Variants in CECR2 observed in about 807,000 individuals in gnomAD.
CECR2 encodes chromatin remodeling regulator CECR2.
Under a neutral mutation model 154.5 loss-of-function variants are expected in CECR2, and 30 were observed. The ratio of observed to expected loss-of-function variants is 0.19; its 90% CI spans 0.15 to 0.26. The LOEUF (loss-of-function observed/expected upper bound fraction) is 0.26, where lower values mean the gene tolerates loss of function less well. Ranked by LOEUF, CECR2 falls within the 10% of genes least tolerant of loss-of-function variation. The pLI is 1.00. For synonymous variants in CECR2, 725 were observed against 683.7 expected, an observed-to-expected ratio of 1.06 and a Z score of -0.94; for missense variants, 1,743 against 1,829.3, an observed-to-expected ratio of 0.95 and a Z score of 0.86.
At chr22:17,431,723 T>C (rs995218902) in intron 1 of CECR2, among the ~76,000 whole-genome samples, 11 of 152,196 alleles carry the variant, frequency 7.2e-5, no homozygotes, top group Non-Finnish European at 7.3e-5. Context: ...TGGTAATTCT[T>C]ATTGATGCGT....
intron 1 of CECR2, among the ~76,000 whole-genome samples, chr22:17,361,161 TCAAA>T (rs937823866): frequency 2.2e-4 from 33 of 151,776 alleles, no homozygotes; most frequent in African/African-American, 7.7e-4. Flanking sequence ...AGACCCTGTC[TCAAA>T]CAAAGCAAAA....
intron 1 of CECR2, among the ~76,000 whole-genome samples, chr22:17,362,474 G>T (rs776160926): frequency 6.6e-6 from 1 of 152,164 alleles, no homozygotes; most frequent in Non-Finnish European, 1.5e-5. Context: ...AGTCCCAACC[G>T]AGATGTCCTG....
At chr22:17,514,760 G>A (rs555835736) in intron 8 of CECR2, among the ~76,000 whole-genome samples, 5 of 152,206 alleles carry the variant, frequency 3.3e-5, no homozygotes, top group East Asian at 1.9e-4. Context: ...TGGGCCAGGC[G>A]CGGTGGCTCA....
At chr22:17,483,219 G>A (rs1431693518) in intron 2 of CECR2, among the ~76,000 whole-genome samples, 2 of 152,086 alleles carry the variant, frequency 1.3e-5, no homozygotes, top group Non-Finnish European at 2.9e-5. Context: ...CAGATCAAAT[G>A]TAAAAAACAA....
At chr22:17,489,792 TTTA>T (rs2055491575) in intron 2 of CECR2, among the ~76,000 whole-genome samples, 1 of 152,130 alleles carries the variant, frequency 6.6e-6, no homozygotes, top group Non-Finnish European at 1.5e-5. Flanking sequence ...AAGGAACTGT[TTTA>T]TATTATTAAT....
chr22:17,403,975 C>T (rs2053935050), intron 1 of CECR2, among the ~76,000 whole-genome samples: 1 of 150,976 alleles, frequency 6.6e-6, no homozygotes, highest in Non-Finnish European at 1.5e-5. Flanking sequence ...ATAAGACCAC[C>T]CTGGCCGGGC....
At chr22:17,447,036 T>TTTTTTTTTTTG (rs2054680468) in intron 1 of CECR2, among the ~76,000 whole-genome samples, 1 of 137,742 alleles carries the variant, frequency 7.3e-6, no homozygotes, top group African/African-American at 3.0e-5. Flanking sequence ...TTACAATCTT[T>TTTTTTTTTTTG]TTTTTTTTTT....
At chr22:17,502,260 G>A (rs2055752440) in intron 5 of CECR2, among the ~76,000 whole-genome samples, 1 of 152,126 alleles carries the variant, frequency 6.6e-6, no homozygotes, top group Admixed American at 6.6e-5. Context: ...CTTGAATAGA[G>A]GCATTCCCCC....
chr22:17,473,042 C>T (rs1451548101), intron 1 of CECR2, among the ~76,000 whole-genome samples: 1 of 152,104 alleles, frequency 6.6e-6, no homozygotes, highest in Non-Finnish European at 1.5e-5. Context: ...CACTGCACGG[C>T]TCGAAGGATT....
At chr22:17,544,273 C>CAG (rs2056575809) in intron 16 of CECR2, among the ~76,000 whole-genome samples, 1 of 151,936 alleles carries the variant, frequency 6.6e-6, no homozygotes, top group South Asian at 2.1e-4. Context: ...CCAAGGCAGG[C>CAG]AGATTACAAG....
At chr22:17,472,555 C>A (rs1213834198) in intron 1 of CECR2, among the ~76,000 whole-genome samples, 2 of 152,270 alleles carry the variant, frequency 1.3e-5, no homozygotes, top group African/African-American at 2.4e-5. Context: ...ACATAAAATA[C>A]AACAAACACG....
Position 17,542,964 on chromosome 22 carries a change from C to T in CECR2, c.2821C>T (p.Pro941Ser), listed in dbSNP as rs577013970. 56 of 1,612,834 alleles carry T rather than the reference C, an allele frequency of 3.5e-5. No individual in the cohort carries two copies. The East Asian group carries it at 6.5e-4, about 19-fold the overall frequency. ...KPALGNPGRA[P>S]ENSEAQEPEN... ...TGCCCTGGGCAACCCTGGGAGGGCA[C>T]CGGAGAACAGTGAAGCACAAGAGCC... Residue 941 changes from proline to serine, a missense_variant, in exon 16 of 19, where the codon CCG becomes TCG. Transcript: ENST00000262608.
rs564711410 is a variant in CECR2 at position 17,486,933 on chromosome 22, T to A, written c.221+9251T>A. On this transcript the variant is annotated intron_variant, in intron 2 of 18. Transcript: ENST00000262608. ...CATTCCGTAGGCTTGGGCTGGGGCCTGGGAACCTGCATGCTGTGCAAGTTC... is the reference window on the plus strand; with the variant it reads ...CATTCCGTAGGCTTGGGCTGGGGCCAGGGAACCTGCATGCTGTGCAAGTTC... Among the ~76,000 whole-genome samples the A allele has an allele frequency of 4.8e-3, 724 of 152,022 alleles. 3 individuals carry two copies. Among genetic ancestry groups the A allele is most frequent in the Non-Finnish European group, 7.2e-3 (487 of 67,950 alleles).
rs539513918 is a variant in CECR2 at position 17,493,850 on chromosome 22, C to T, written c.222-3553C>T. Among the ~76,000 whole-genome samples the T allele has an allele frequency of 2.0e-5, 3 of 152,332 alleles. No homozygotes were observed. The South Asian group carries it at 6.2e-4, about 32-fold the overall frequency. ...GAATAAGAAAGGTCTCGCTCCCTGG[C>T]CCAGCATCTTCTGCACATCCTCCAG... On this transcript the variant is annotated intron_variant, in intron 2 of 18. Coordinates refer to ENST00000262608, the MANE Select transcript of CECR2 (RefSeq NM_001290047.2).
In CECR2 at chr22:17,549,573, G is replaced by A. The variant is rs1308366287; in HGVS notation, c.4277+9G>A. ...ATGTACAGACCATCAGGGTAAGATT[G>A]CATTCAGGCTTTTCCCCCTAAAGAG... On this transcript the variant is annotated intron_variant, in intron 17 of 18. Coordinates refer to ENST00000262608, the MANE Select transcript of CECR2 (RefSeq NM_001290047.2). 3 of 1,551,294 alleles carry A rather than the reference G, an allele frequency of 1.9e-6. No homozygotes were observed. The South Asian group carries it at 3.6e-5, about 18-fold the overall frequency.
Position 17,541,986 on chromosome 22 carries a change from A to T in CECR2, c.2013+19A>T. ...CATGCAGGTAAGCAGCCTACTCTGG[A>T]GGTGCAGGTGCAGGGGGTCCCACAG... On this transcript the variant is annotated intron_variant, in intron 15 of 18. Transcript: ENST00000262608. The T allele has an allele frequency of 1.2e-6, 2 of 1,605,798 alleles. No homozygotes were observed. The highest frequency in any genetic ancestry group is 1.7e-6 in the Non-Finnish European group (2 of 1,175,828).
intron 1 of CECR2, among the ~76,000 whole-genome samples, chr22:17,420,499 A>G (rs767391097): frequency 1.3e-4 from 20 of 152,226 alleles, no homozygotes; most frequent in African/African-American, 1.7e-4. Context: ...CACTCATTCA[A>G]TTTTGTTTAA....
intron 4 of CECR2, among the ~76,000 whole-genome samples, 188 bp from the exon 5 acceptor site, chr22:17,500,443 A>G (rs118004657): frequency 1.3e-5 from 2 of 152,144 alleles, no homozygotes; most frequent in Admixed American, 1.3e-4. Flanking sequence ...ACATTTTAGT[A>G]TTGCAAAATG....
At chr22:17,395,254 C>T (rs544557504) in intron 1 of CECR2, among the ~76,000 whole-genome samples, 14 of 152,308 alleles carry the variant, frequency 9.2e-5, no homozygotes, top group African/African-American at 3.4e-4. Context: ...TTTCAAACTC[C>T]TGAGCTCAAG....
Sources: allele counts gnomAD v4.1 joint callset (sites outside exome capture counted in the v4.1 genomes callset), GRCh38; gene constraint gnomAD v4.1.1; transcripts MANE v1.5; gene names NCBI Gene and HGNC (gene_info 2026-07-23, HGNC 2026-07-21).